CATSPERT: variants seen among roughly 807,000 people sequenced by gnomAD.
CATSPERT encodes cation channel sperm-associated targeting subunit tau.
chr2:201,515,526 A>C, the CATSPERT span, among the ~76,000 whole-genome samples: 1 of 152,116 alleles, frequency 6.6e-6, no homozygotes, highest in Non-Finnish European at 1.5e-5. Flanking sequence ...GTAGAGGTGT[A>C]ATAACACCAT....
chr2:201,543,146 C>T, the CATSPERT span, among the ~76,000 whole-genome samples: 8 of 152,202 alleles, frequency 5.3e-5, no homozygotes, highest in Admixed American at 5.2e-4. Context: ...GCACACTTCT[C>T]AAAGATCAGT....
the CATSPERT span, among the ~76,000 whole-genome samples, chr2:201,560,433 A>G: frequency 1.2e-5 from 1 of 80,852 alleles, no homozygotes; most frequent in South Asian, 4.7e-4. Context: ...AAATAATAAT[A>G]ATAATAATAA....
At chr2:201,601,317 G>GTGTGTGTGTGTGT in the CATSPERT span, among the ~76,000 whole-genome samples, 8 of 127,992 alleles carry the variant, frequency 6.3e-5, no homozygotes, top group East Asian at 4.6e-4. Flanking sequence ...TGTGTGTGTG[G>GTGTGTGTGTGTGT]GTTGTAATAA....
chr2:201,515,061 C>T, the CATSPERT span, among the ~76,000 whole-genome samples: 2 of 151,812 alleles, frequency 1.3e-5, no homozygotes, highest in Non-Finnish European at 2.9e-5. Context: ...TCAAAGCATG[C>T]TAAATAAAGG....
At chr2:201,577,856 T>C in the CATSPERT span, among the ~76,000 whole-genome samples, 1 of 152,150 alleles carries the variant, frequency 6.6e-6, no homozygotes, top group Non-Finnish European at 1.5e-5. Flanking sequence ...CTGAATAAAA[T>C]AGATTTTCAT....
At chr2:201,592,349 T>G in the CATSPERT span, among the ~76,000 whole-genome samples, 1 of 142,688 alleles carries the variant, frequency 7.0e-6, no homozygotes, top group Non-Finnish European at 1.5e-5. Flanking sequence ...TCATGGTGGA[T>G]AAGCTTTTTG....
the CATSPERT span, among the ~76,000 whole-genome samples, chr2:201,514,506 CA>C: frequency 6.6e-6 from 1 of 152,130 alleles, no homozygotes; most frequent in Non-Finnish European, 1.5e-5. Context: ...AATCTCTCAG[CA>C]AACTAGGACT....
the CATSPERT span, among the ~76,000 whole-genome samples, chr2:201,510,396 G>C: frequency 6.6e-6 from 1 of 151,964 alleles, no homozygotes; most frequent in East Asian, 1.9e-4. Flanking sequence ...GTGAGCCAAG[G>C]TTGCACCACT....
At chr2:201,546,042 G>A in the CATSPERT span, among the ~76,000 whole-genome samples, 1 of 151,976 alleles carries the variant, frequency 6.6e-6, no homozygotes, top group African/African-American at 2.4e-5. Context: ...AAAATTCCAA[G>A]GAGAATTATA....
chr2:201,589,200 A>G, the CATSPERT span, among the ~76,000 whole-genome samples: 1 of 152,202 alleles, frequency 6.6e-6, no homozygotes, highest in Non-Finnish European at 1.5e-5. Flanking sequence ...TTATAGATTC[A>G]ATGCTATTCT....
chr2:201,602,018 T>C, the CATSPERT span: 1 of 612,094 alleles, frequency 1.6e-6, no homozygotes. Flanking sequence ...AGAAAAAAAG[T>C]ATTCTAAAAT....
At chr2:201,578,122 C>A in the CATSPERT span, among the ~76,000 whole-genome samples, 6 of 152,036 alleles carry the variant, frequency 3.9e-5, no homozygotes, top group African/African-American at 1.4e-4. Context: ...AAACATACTA[C>A]ATTTAGAAAT....
At chr2:201,611,929 T>C in the CATSPERT span, among the ~76,000 whole-genome samples, 1 of 152,188 alleles carries the variant, frequency 6.6e-6, no homozygotes, top group African/African-American at 2.4e-5. Flanking sequence ...TAATTCACTT[T>C]GCAGACAGGA....
the CATSPERT span, among the ~76,000 whole-genome samples, chr2:201,489,762 C>A: frequency 6.6e-6 from 1 of 152,128 alleles, no homozygotes; most frequent in African/African-American, 2.4e-5. Flanking sequence ...ATAGGGAAGA[C>A]CAGTGATTCA....
the CATSPERT span, among the ~76,000 whole-genome samples, chr2:201,533,455 A>G: frequency 6.6e-6 from 1 of 152,186 alleles, no homozygotes; most frequent in Non-Finnish European, 1.5e-5. Flanking sequence ...CCCTCCCTCT[A>G]CATTTAGAAT....
chr2:201,578,970 T>C, the CATSPERT span, among the ~76,000 whole-genome samples: 1 of 152,182 alleles, frequency 6.6e-6, no homozygotes, highest in Non-Finnish European at 1.5e-5. Flanking sequence ...TTTCTATGTA[T>C]TAGAAATTTA....
the CATSPERT span, among the ~76,000 whole-genome samples, chr2:201,572,721 A>C: frequency 1.3e-5 from 2 of 152,166 alleles, no homozygotes; most frequent in African/African-American, 4.8e-5. Context: ...TACAATAAGA[A>C]ATTTAAAAAA....
the CATSPERT span, among the ~76,000 whole-genome samples, chr2:201,539,918 T>C: frequency 1.3e-5 from 2 of 152,076 alleles, no homozygotes; most frequent in African/African-American, 4.8e-5. Context: ...ACAGCCCAGA[T>C]GAGAATGCAA....
chr2:201,618,519 T>C, the CATSPERT span, among the ~76,000 whole-genome samples: 1 of 136,912 alleles, frequency 7.3e-6, no homozygotes, highest in African/African-American at 2.7e-5. Flanking sequence ...ATGAGAATAC[T>C]TGGACACGGG....
Sources: gnomAD v4.1 joint callset for allele counts (sites outside exome capture counted in the v4.1 genomes callset) on GRCh38, gnomAD v4.1.1 for gene constraint, MANE v1.5 for transcripts, NCBI Gene and HGNC (gene_info 2026-07-23, HGNC 2026-07-21) for gene names.